PCDHGA1: variants seen among roughly 807,000 people sequenced by gnomAD.
PCDHGA1 encodes protocadherin gamma-A1.
Under a neutral mutation model 58.0 loss-of-function variants are expected in PCDHGA1, and 32 were observed. The ratio of observed to expected loss-of-function variants is 0.55; its 90% confidence interval spans 0.42 to 0.74. The LOEUF (loss-of-function observed/expected upper bound fraction) is 0.74, where lower values mean the gene tolerates loss of function less well. Among genes scored for constraint, PCDHGA1 ranks in the 30% least tolerant of loss-of-function variants. PCDHGA1 has a pLI of 0.00. For missense variants in PCDHGA1, 1,205 were observed against 1,182.3 expected, an observed-to-expected ratio of 1.02 and a Z score of -0.28; for synonymous variants, 498 against 501.1, an observed-to-expected ratio of 0.99 and a Z score of 0.08.
chr5:141,371,742 C>T (rs773429109), intron 1 of PCDHGA1: 16 of 1,613,950 alleles, frequency 9.9e-6, no homozygotes, highest in Middle Eastern at 1.6e-4. Flanking sequence ...CGACAACGTT[C>T]CCGTTTTCCA....
intron 1 of PCDHGA1, chr5:141,345,466 AC>A: frequency 6.2e-7 from 1 of 1,614,078 alleles, no homozygotes; most frequent in South Asian, 1.1e-5. Context: ...ACAGCCCAGG[AC>A]CCAGATAGCA....
chr5:141,339,730 G>C, intron 1 of PCDHGA1: 3 of 1,614,152 alleles, frequency 1.9e-6, no homozygotes, highest in Non-Finnish European at 2.5e-6. Context: ...GCATTCCGGA[G>C]AATACGCTCG....
Position 141,384,211 on chromosome 5 carries a change from A to G in PCDHGA1, c.2421+51106A>G, listed in dbSNP as rs1779844245. On this transcript the variant is annotated intron_variant, in intron 1 of 3. Transcript: ENST00000517417. The stretch of plus-strand genomic sequence containing the variant: ...TCCTCCCTTGTCCAGGGAAACTCAC[A>G]TATTCATGCAGGTGGCAGACACCAA... The G allele has an allele frequency of 6.2e-7, 1 of 1,613,880 alleles. No individual in the cohort carries two copies. Among genetic ancestry groups the G allele is most frequent in the Non-Finnish European group, 8.5e-7 (1 of 1,179,872 alleles).
At chr5:141,465,779 G>A (rs1199779963) in intron 1 of PCDHGA1, among the ~76,000 whole-genome samples, 2 of 145,170 alleles carry the variant, frequency 1.4e-5, no homozygotes, top group African/African-American at 5.0e-5. Flanking sequence ...TCTTGTTACA[G>A]TTTTTTTTTT....
Position 141,371,988 on chromosome 5 carries a change from C to T in PCDHGA1, c.2421+38883C>T, listed in dbSNP as rs1283820650. 4 of 1,613,144 alleles carry T rather than the reference C, an allele frequency of 2.5e-6. No homozygotes were observed. The African/African-American group carries it at 5.3e-5, about 22-fold the overall frequency. The stretch of plus-strand genomic sequence containing the variant: ...GCAGCTGCGTGCCTTCGAGCTCACT[C>T]TGCAGGCCCGCGACCAGGGCTCGCC... On this transcript the variant is annotated intron_variant, in intron 1 of 3. Coordinates refer to ENST00000517417, the MANE Select transcript of PCDHGA1 (RefSeq NM_018912.3).
intron 1 of PCDHGA1, chr5:141,359,976 C>G (rs1462412322): frequency 1.3e-6 from 1 of 793,442 alleles, no homozygotes; most frequent in Admixed American, 3.6e-5. Flanking sequence ...GTTTGGGAGC[C>G]TCTTAGAGGG....
intron 1 of PCDHGA1, among the ~76,000 whole-genome samples, chr5:141,447,640 G>A (rs184184100): frequency 6.6e-6 from 1 of 152,198 alleles, no homozygotes; most frequent in Admixed American, 6.5e-5. Flanking sequence ...TATGAATGAT[G>A]GTAGAATTTT....
At chr5:141,413,626 G>T (rs757785567) in intron 1 of PCDHGA1, 24 of 1,613,680 alleles carry the variant, frequency 1.5e-5, no homozygotes, top group Non-Finnish European at 1.7e-5. Context: ...TGAAAATGTC[G>T]CTGCGGGAAT....
At chr5:141,463,493 G>C (rs2099061978) in intron 1 of PCDHGA1, among the ~76,000 whole-genome samples, 1 of 128,844 alleles carries the variant, frequency 7.8e-6, no homozygotes, top group Admixed American at 9.6e-5. Flanking sequence ...CTGTCACCCA[G>C]GCTGGAGTGA....
chr5:141,381,044 T>G (rs745590770), intron 1 of PCDHGA1, among the ~76,000 whole-genome samples: 1 of 152,278 alleles, frequency 6.6e-6, no homozygotes, highest in Admixed American at 6.5e-5. Flanking sequence ...AAAATTTATC[T>G]ACTTTGTGAA....
At chr5:141,425,021 CT>C (rs1561817318) in intron 1 of PCDHGA1, among the ~76,000 whole-genome samples, 1 of 152,054 alleles carries the variant, frequency 6.6e-6, no homozygotes, top group Non-Finnish European at 1.5e-5. Context: ...AGGAATTTAC[CT>C]TATGTCATTA....
intron 1 of PCDHGA1, among the ~76,000 whole-genome samples, chr5:141,488,534 A>C (rs1169478867): frequency 1.3e-5 from 2 of 152,292 alleles, no homozygotes; most frequent in East Asian, 3.9e-4. Flanking sequence ...AGAAAAGCTA[A>C]GTCCCATGTC....
intron 1 of PCDHGA1, chr5:141,393,901 G>T: frequency 6.2e-7 from 1 of 1,613,894 alleles, no homozygotes; most frequent in Non-Finnish European, 8.5e-7. Context: ...TCTCTTCCCG[G>T]GACAGTAATT....
chr5:141,399,055 G>C, intron 1 of PCDHGA1: 1 of 1,613,844 alleles, frequency 6.2e-7, no homozygotes, highest in Non-Finnish European at 8.5e-7. Context: ...AGAGACCAAG[G>C]AATATTCAAT....
chr5:141,420,301 CT>C, intron 1 of PCDHGA1: 1 of 1,462,308 alleles, frequency 6.8e-7, no homozygotes, highest in Non-Finnish European at 9.2e-7. Flanking sequence ...GTATTTAATC[CT>C]TTTTATATTA....
At position 141,410,454 on chromosome 5, in the gene PCDHGA1, C is replaced by T. The variant is rs199849689; in HGVS notation, c.2421+77349C>T. 5,103 of 1,614,034 alleles carry T rather than the reference C, an allele frequency of 3.2e-3. 16 individuals are homozygous for T. Among genetic ancestry groups the T allele is most frequent in the Non-Finnish European group, 4.0e-3 (4,661 of 1,179,898 alleles). On this transcript the variant is annotated intron_variant, in intron 1 of 3. Transcript: ENST00000517417. ...TACAGTGAGGGGACTTTGCCTTATT[C>T]TTATAATCTGTGCATTGCACATACG... is the stretch of plus-strand genomic sequence containing the variant.
chr5:141,357,356 G>A (rs1340462933), intron 1 of PCDHGA1: 1 of 1,614,120 alleles, frequency 6.2e-7, no homozygotes, highest in Non-Finnish European at 8.5e-7. Flanking sequence ...CTGAGACGCT[G>A]GCACAAGTCA....
chr5:141,367,135 G>T (rs1283969236), intron 1 of PCDHGA1: 6 of 204,902 alleles, frequency 2.9e-5, no homozygotes, highest in Non-Finnish European at 4.9e-5. Context: ...GTTTTGGAAA[G>T]GATAATGTAT....
Position 141,365,799 on chromosome 5 carries a change from C to T in PCDHGA1, c.2421+32694C>T, listed in dbSNP as rs755374983. 8 of 1,613,942 alleles carry T rather than the reference C, an allele frequency of 5.0e-6. No individual in the cohort carries two copies. The Admixed American group carries it at 6.7e-5, about 13-fold the overall frequency. ...GGCGACAACGCTCGAGTCACCTACT[C>T]CCTGGCTGAAGACACATTTCAGGGG... On this transcript the variant is annotated intron_variant, in intron 1 of 3. Transcript: ENST00000517417.
Sources: allele counts gnomAD v4.1 joint callset (sites outside exome capture counted in the v4.1 genomes callset), GRCh38; gene constraint gnomAD v4.1.1; transcripts MANE v1.5; gene names NCBI Gene and HGNC (gene_info 2026-07-23, HGNC 2026-07-21).